Variants in NR3C2 observed in about 807,000 individuals in gnomAD.
NR3C2 encodes the protein mineralocorticoid receptor.
NR3C2 carries 15 observed loss-of-function variants against 86.4 expected under a neutral mutation model. That is an observed-to-expected ratio of 0.17 (90% confidence interval 0.12 to 0.27). The LOEUF is 0.27. NR3C2 is among the 10% of genes least tolerant of loss of function. The probability of loss-of-function intolerance (pLI) is 1.00; values close to 1 mark genes in which losing one functional copy is unlikely to be tolerated. For synonymous variants in NR3C2, 458 were observed against 450.5 expected (o/e 1.02, Z -0.21); for missense variants, 960 against 1,195.6 (o/e 0.80, Z 2.91).
chr4:148,117,138 C>T (rs553146608), intron 7 of NR3C2, among the ~76,000 whole-genome samples: 2 of 152,186 alleles, frequency 1.3e-5, no homozygotes, highest in East Asian at 1.9e-4. Context: ...ACAAGAGCAG[C>T]GGGAGATGGG....
In NR3C2 at chr4:148,093,555, G is replaced by A. The variant is rs376953887; in HGVS notation, c.2800-12056C>T. Among the ~76,000 whole-genome samples, 321 of 152,282 alleles carry A rather than the reference G, an allele frequency of 2.1e-3. 10 individuals carry two copies. The South Asian group carries it at 0.064, about 30-fold the overall frequency. The stretch of plus-strand genomic sequence containing the variant: ...GCCTAAAATGAGCATTGGGGCGGGG[G>A]ATATTGGAAACTTTATTTTCAAAGA... On this transcript the variant is annotated intron_variant, in intron 8 of 8. Coordinates refer to ENST00000358102, the MANE Select transcript of NR3C2 (RefSeq NM_000901.5).
intron 3 of NR3C2, among the ~76,000 whole-genome samples, chr4:148,203,795 C>CATA (rs1736858513): frequency 6.6e-6 from 1 of 152,062 alleles, no homozygotes; most frequent in South Asian, 2.1e-4. Context: ...TTGGTCTGCC[C>CATA]ATAATAAACC....
intron 2 of NR3C2, among the ~76,000 whole-genome samples, chr4:148,351,152 T>C (rs1454733883): frequency 6.6e-6 from 1 of 152,200 alleles, no homozygotes; most frequent in East Asian, 1.9e-4. Flanking sequence ...TCTTTTCTTT[T>C]CTTTTCTTTT....
chr4:148,201,027 C>T (rs1442821335), intron 3 of NR3C2: 1 of 152,174 alleles, frequency 6.6e-6, no homozygotes, highest in Non-Finnish European at 1.5e-5. Flanking sequence ...TGGTGTTTCC[C>T]TCCATCTGTA....
Position 148,435,641 on chromosome 4 carries a change from C to T in NR3C2, c.1220G>A (p.Ser407Asn), listed in dbSNP as rs773237435. The part of the protein sequence containing the change: ...YIKPEPDGAF[S>N]SSCLGGNSKI... The stretch of plus-strand genomic sequence containing the variant: ...GCTATTTCCTCCTAGACATGAGCTG[C>T]TAAAAGCTCCATCTGGTTCTGGTTT... Residue 407 changes from serine (S) to asparagine (N), a missense_variant, in exon 2 of 9, where the codon AGC becomes AAC. Coordinates refer to ENST00000358102, the MANE Select transcript of NR3C2 (RefSeq NM_000901.5). 1.9e-6 allele frequency: 3 copies of T among 1,614,020 alleles called. No homozygotes were observed. Among genetic ancestry groups the T allele is most frequent in the Non-Finnish European group, 2.5e-6 (3 of 1,180,032 alleles).
In NR3C2 at chr4:148,322,854, C is replaced by T. The variant is rs996186857; in HGVS notation, c.1758-62737G>A. Among the ~76,000 whole-genome samples, 7 of 96,926 alleles carry T rather than the reference C, an allele frequency of 7.2e-5. 1 individual carries two copies. The highest frequency in any genetic ancestry group is 2.4e-4 in the Admixed American group (2 of 8,178). 63.6% of individuals were successfully genotyped at this position (96,926 alleles called of 152,430 possible). ...CTCCCGTAGCTCAGAGTAATTTGAT[C>T]GTCTGAAGCCTTCTTCTCTGAGCTC... On this transcript the variant is annotated intron_variant, in intron 2 of 8. Transcript: ENST00000358102.
In NR3C2 at chr4:148,154,473, A is replaced by G. The variant is rs1734254634; in HGVS notation, c.2365+78T>C. On this transcript the variant is annotated intron_variant, in intron 5 of 8. Transcript: ENST00000358102. ...TTCATAGAACGCAAACTCCTCCTGC[A>G]TGGTTGGAGATGGCGAAGTCAGTTG... The G allele has an allele frequency of 4.7e-6, 6 of 1,288,864 alleles. No homozygotes were observed. The South Asian group carries it at 7.1e-5, about 15-fold the overall frequency. 79.8% of individuals were successfully genotyped at this position (1,288,864 alleles called of 1,614,324 possible). A position where few individuals can be genotyped will look rare whatever the true frequency, so the allele number is the denominator to read the frequency against.
intron 3 of NR3C2, chr4:148,208,131 G>A (rs1162345370): frequency 6.6e-6 from 1 of 152,220 alleles, no homozygotes; most frequent in African/African-American, 2.4e-5. Context: ...CTTCCCCAAG[G>A]TCACAGCCCT....
chr4:148,284,273 T>C (rs1175393650), intron 2 of NR3C2, among the ~76,000 whole-genome samples: 4 of 152,072 alleles, frequency 2.6e-5, no homozygotes, highest in Non-Finnish European at 5.9e-5. Flanking sequence ...AGGCCAACCC[T>C]CTACTCTGAA....
chr4:148,432,748 A>C (rs1301942779), intron 2 of NR3C2, among the ~76,000 whole-genome samples: 1 of 152,188 alleles, frequency 6.6e-6, no homozygotes, highest in Non-Finnish European at 1.5e-5. Flanking sequence ...TAAGAGACTA[A>C]GGATGATACT....
chr4:148,418,419 T>G (rs1749114486), intron 2 of NR3C2, among the ~76,000 whole-genome samples: 2 of 152,206 alleles, frequency 1.3e-5, no homozygotes, highest in African/African-American at 4.8e-5. Context: ...AAAAAAGAGT[T>G]TAAAAATCAC....
intron 8 of NR3C2, among the ~76,000 whole-genome samples, chr4:148,098,669 C>T (rs1180969282): frequency 1.3e-5 from 2 of 152,166 alleles, no homozygotes; most frequent in Non-Finnish European, 2.9e-5. Context: ...GCTACAAATA[C>T]ATTTTAGTGA....
At chr4:148,350,551 A>AT (rs1021074262) in intron 2 of NR3C2, among the ~76,000 whole-genome samples, 9 of 152,150 alleles carry the variant, frequency 5.9e-5, no homozygotes, top group African/African-American at 2.2e-4. Context: ...AGGTCATGAT[A>AT]TTTTTTCAGA....
At chr4:148,255,703 T>C (rs1416718198) in intron 3 of NR3C2, among the ~76,000 whole-genome samples, 1 of 152,172 alleles carries the variant, frequency 6.6e-6, no homozygotes, top group Non-Finnish European at 1.5e-5. Context: ...AAAAGGAAAT[T>C]AGGTTATAAA....
At chr4:148,419,760 C>A (rs1437190834) in intron 2 of NR3C2, among the ~76,000 whole-genome samples, 1 of 152,174 alleles carries the variant, frequency 6.6e-6, no homozygotes, top group Non-Finnish European at 1.5e-5. Flanking sequence ...CAGATCCTTC[C>A]TCCCAAAAAC....
intron 2 of NR3C2, among the ~76,000 whole-genome samples, chr4:148,294,436 GT>G (rs1232874759): frequency 1.3e-5 from 2 of 151,726 alleles, no homozygotes; most frequent in South Asian, 2.1e-4. Context: ...TACGTTATAG[GT>G]TTTTTTCTGT....
chr4:148,373,439 C>A (rs1746513855), intron 2 of NR3C2, among the ~76,000 whole-genome samples: 2 of 149,000 alleles, frequency 1.3e-5, no homozygotes, highest in South Asian at 4.3e-4. Context: ...GGATTCCCAA[C>A]AAAGGTTTGC....
chr4:148,166,792 ACAGT>A (rs1038997924), intron 4 of NR3C2, among the ~76,000 whole-genome samples: 3 of 151,344 alleles, frequency 2.0e-5, no homozygotes, highest in African/African-American at 7.3e-5. Flanking sequence ...TTGGATAGAA[ACAGT>A]CAGCCGTTAT....
chr4:148,176,681 A>G (rs558663015), intron 4 of NR3C2, among the ~76,000 whole-genome samples: 5 of 152,314 alleles, frequency 3.3e-5, no homozygotes, highest in Non-Finnish European at 7.3e-5. Flanking sequence ...TCTTCATTTT[A>G]AAGATTAGCT....
Sources: allele counts gnomAD v4.1 joint callset (sites outside exome capture counted in the v4.1 genomes callset), GRCh38; gene constraint gnomAD v4.1.1; transcripts MANE v1.5; gene names NCBI Gene and HGNC (gene_info 2026-07-23, HGNC 2026-07-21).